The following AP1G1 variants were observed in gnomAD, a reference collection of about 807,000 sequenced individuals.
AP1G1 encodes the protein adaptor related protein complex 1 subunit gamma 1.
AP1G1 carries 7 observed loss-of-function variants against 108.3 expected under a neutral mutation model. The ratio of observed to expected loss-of-function variants is 0.06; its 90% CI spans 0.04 to 0.12. The LOEUF (loss-of-function observed/expected upper bound fraction) is 0.12, where lower values mean the gene tolerates loss of function less well. Among genes scored for constraint, AP1G1 ranks in the 10% least tolerant of loss-of-function variants. The pLI is 1.00. For synonymous variants in AP1G1, 379 were observed against 353.5 expected (o/e 1.07, Z -0.81); for missense variants, 756 against 1,010.7 (o/e 0.75, Z 3.42).
At chr16:71,737,989 T>A (rs1313264513) in intron 21 of AP1G1, among the ~76,000 whole-genome samples, 1 of 152,254 alleles carries the variant, frequency 6.6e-6, no homozygotes, top group Admixed American at 6.5e-5. Flanking sequence ...ATACTTACTG[T>A]CTCATCTTTT....
At position 71,761,098 on chromosome 16, in the gene AP1G1, G is replaced by A. The variant is rs569981118; in HGVS notation, c.974+414C>T. On this transcript the variant is annotated intron_variant, in intron 10 of 22. Transcript: ENST00000299980. The stretch of plus-strand genomic sequence containing the variant: ...TAAAACCCAGCTCTCTGCTGTTTTC[G>A]TACATCAAAATATTTTTTTCATACT... Among the ~76,000 whole-genome samples the A allele has an allele frequency of 2.0e-4, 30 of 152,104 alleles. No homozygotes were observed. The South Asian group carries it at 6.0e-3, about 31-fold the overall frequency.
chr16:71,733,384 C>G (rs553714056), intron 22 of AP1G1, among the ~76,000 whole-genome samples: 2 of 152,162 alleles, frequency 1.3e-5, no homozygotes, highest in African/African-American at 2.4e-5. Flanking sequence ...GCAGAATACA[C>G]GGTTAGCTTT....
At chr16:71,802,535 G>A (rs1468572307) in intron 1 of AP1G1, among the ~76,000 whole-genome samples, 2 of 152,126 alleles carry the variant, frequency 1.3e-5, no homozygotes, top group African/African-American at 4.8e-5. Flanking sequence ...GTCAAGACCA[G>A]CCTGTCCAAC....
At chr16:71,779,987 T>G (rs2031944855) in intron 2 of AP1G1, among the ~76,000 whole-genome samples, 1 of 147,122 alleles carries the variant, frequency 6.8e-6, no homozygotes, top group Admixed American at 6.8e-5. Flanking sequence ...TTGTTTCAGT[T>G]TTTTTTTGTT....
At chr16:71,797,437 G>T (rs576933592) in intron 1 of AP1G1, among the ~76,000 whole-genome samples, 3 of 151,996 alleles carry the variant, frequency 2.0e-5, no homozygotes, top group Admixed American at 1.3e-4. Flanking sequence ...ACCTAGTAAG[G>T]TGTCATTCAT....
At chr16:71,798,214 G>A (rs2032654540) in intron 1 of AP1G1, among the ~76,000 whole-genome samples, 1 of 152,034 alleles carries the variant, frequency 6.6e-6, no homozygotes, top group Non-Finnish European at 1.5e-5. Context: ...AGAGGCCAAG[G>A]TGGGAGGATC....
chr16:71,748,468 A>T, intron 15 of AP1G1, 90 bp from the exon 16 acceptor site: 1 of 1,412,566 alleles, frequency 7.1e-7, no homozygotes, highest in Admixed American at 2.3e-5. Context: ...AAGCAGCCAG[A>T]AAGACAATCC....
At chr16:71,805,434 G>C (rs961914445) in intron 1 of AP1G1, among the ~76,000 whole-genome samples, 3 of 152,118 alleles carry the variant, frequency 2.0e-5, no homozygotes, top group African/African-American at 7.2e-5. Context: ...CTGGGAGACA[G>C]AGTAAGACTT....
intron 1 of AP1G1, chr16:71,808,346 A>C (rs2033070692): frequency 1.3e-6 from 1 of 797,242 alleles, no homozygotes; most frequent in Non-Finnish European, 1.7e-6. Flanking sequence ...GCTGGGAGTT[A>C]TCTGACAGAC....
At chr16:71,800,890 G>T (rs1043626705) in intron 1 of AP1G1, among the ~76,000 whole-genome samples, 2 of 152,142 alleles carry the variant, frequency 1.3e-5, no homozygotes, top group African/African-American at 4.8e-5. Context: ...AACTACTCGG[G>T]AGGCTGAGGC....
intron 9 of AP1G1, among the ~76,000 whole-genome samples, chr16:71,763,295 G>A (rs1488273801): frequency 6.6e-6 from 1 of 152,180 alleles, no homozygotes; most frequent in Non-Finnish European, 1.5e-5. Context: ...TATCTCTTCA[G>A]AGGCACCTGA....
In AP1G1 at chr16:71,739,113, A is replaced by G; in HGVS notation, c.2108-11T>C. On this transcript the variant is annotated splice_polypyrimidine_tract_variant and intron_variant, in intron 20 of 22. Transcript: ENST00000299980. ...TGATGGAGGGGATGCCTGAGAAAGT[A>G]CAGGAAGATAAGTCTTATTGTAGTC... 1 of 1,614,068 alleles carries G rather than the reference A, an allele frequency of 6.2e-7. No individual in the cohort carries two copies. The highest frequency in any genetic ancestry group is 8.5e-7 in the Non-Finnish European group (1 of 1,179,938).
chr16:71,733,521 A>AAG (rs1360008790), intron 22 of AP1G1, among the ~76,000 whole-genome samples: 15 of 151,894 alleles, frequency 9.9e-5, no homozygotes, highest in Middle Eastern at 3.4e-3. Flanking sequence ...GCTCACCGCC[A>AAG]CACCAGACTA....
At chr16:71,736,551 A>ATTATTTAT (rs369844976) in intron 21 of AP1G1, among the ~76,000 whole-genome samples, 51 of 105,902 alleles carry the variant, frequency 4.8e-4, no homozygotes, top group South Asian at 1.3e-3. Flanking sequence ...CGGCTAATTT[A>ATTATTTAT]TTATTTATTT....
At chr16:71,768,980 A>AT (rs1472465661) in intron 6 of AP1G1, among the ~76,000 whole-genome samples, 1 of 82,904 alleles carries the variant, frequency 1.2e-5, no homozygotes, top group Non-Finnish European at 3.2e-5. Flanking sequence ...AAAAAATACA[A>AT]AAAAAAAAAA....
Position 71,771,175 on chromosome 16 carries a change from T to A in AP1G1, c.546A>T (p.Leu182Phe), listed in dbSNP as rs982911786. ...CATTACCATGGTTCTTCTCATTCAA[T>A]AAATTTTTTGTTGCTGGTAAAAACA... Reference protein sequence around the residue: ...MEMFLPATKNLLNEKNHGVLH... With the variant: ...MEMFLPATKNFLNEKNHGVLH... Residue 182 changes from leucine to phenylalanine, a missense_variant, in exon 5 of 23, where the codon TTA becomes TTT. Physicochemically the swap from Leu to Phe is conservative, Grantham distance 22. Transcript: ENST00000299980. 6.2e-7 allele frequency: 1 copy of A among 1,606,130 alleles called. No individual in the cohort carries two copies. The highest frequency in any genetic ancestry group is 1.3e-5 in the African/African-American group (1 of 74,744).
In AP1G1 at chr16:71,753,033, C is replaced by T. The variant is rs186301544; in HGVS notation, c.1284+800G>A. On this transcript the variant is annotated intron_variant, in intron 13 of 22. Transcript: ENST00000299980. ...CCAGTTGTTAATTTGCCTTTTAAAT[C>T]GTAGACTGTTCCCCTTTTTGTTATT... is the stretch of plus-strand genomic sequence containing the variant. Among the ~76,000 whole-genome samples the T allele has an allele frequency of 8.5e-5, 13 of 152,212 alleles. No individual in the cohort carries two copies. In the East Asian group the frequency reaches 2.3e-3, roughly 27 times the overall value.
At chr16:71,783,564 T>C (rs1389013474) in intron 2 of AP1G1, among the ~76,000 whole-genome samples, 1 of 152,170 alleles carries the variant, frequency 6.6e-6, no homozygotes, top group African/African-American at 2.4e-5. Flanking sequence ...TTTAAAAAGA[T>C]GTATAAGACT....
intron 10 of AP1G1, among the ~76,000 whole-genome samples, chr16:71,760,108 C>A (rs1877395579): frequency 6.6e-6 from 1 of 151,910 alleles, no homozygotes; most frequent in Non-Finnish European, 1.5e-5. Flanking sequence ...TGGGCTCAAG[C>A]GTTCCTCCCA....
Sources: allele counts gnomAD v4.1 joint callset (sites outside exome capture counted in the v4.1 genomes callset), GRCh38; gene constraint gnomAD v4.1.1; transcripts MANE v1.5; gene names NCBI Gene and HGNC (gene_info 2026-07-23, HGNC 2026-07-21).